SFMBT2: variants seen among roughly 807,000 people sequenced by gnomAD.
SFMBT2 encodes scm-like with four MBT domains protein 2.
A neutral mutation model predicts 110.1 loss-of-function variants in SFMBT2; 38 were observed. The observed-to-expected ratio is 0.35, with a 90% CI of 0.27 to 0.45. SFMBT2 has a LOEUF of 0.45. Ranked by LOEUF, SFMBT2 falls within the 20% of genes least tolerant of loss-of-function variation. The probability of loss-of-function intolerance (pLI) is 1.00; values close to 1 mark genes in which losing one functional copy is unlikely to be tolerated. For synonymous variants in SFMBT2, 425 were observed against 425.4 expected (o/e 1.00, Z 0.01); for missense variants, 1,011 against 1,094.9 (o/e 0.92, Z 1.08).
chr10:7,219,589 T>C (rs1839658341), intron 11 of SFMBT2: 1 of 209,556 alleles, frequency 4.8e-6, no homozygotes, highest in Non-Finnish European at 8.3e-6. Flanking sequence ...AATCATGGTA[T>C]TGAGTAAGTC....
At chr10:7,344,691 G>A (rs1243212490) in intron 4 of SFMBT2, among the ~76,000 whole-genome samples, 1 of 152,098 alleles carries the variant, frequency 6.6e-6, no homozygotes, top group African/African-American at 2.4e-5. Context: ...TATGGGCCAG[G>A]CGCGGTGGCT....
In SFMBT2 at chr10:7,408,557, G is replaced by GC. The variant is rs936161692; in HGVS notation, c.-52+2303dup. 8.5e-5 allele frequency among the ~76,000 whole-genome samples: 13 copies of GC among 152,132 alleles called. No homozygotes were observed. The highest frequency in any genetic ancestry group is 3.1e-4 in the African/African-American group (13 of 41,440). On this transcript the variant is annotated intron_variant, in intron 1 of 20. Coordinates refer to ENST00000397167, the MANE Select transcript of SFMBT2 (RefSeq NM_001387889.1). This position sits in a 1 kb window ranked among gnomAD's most constrained non-coding sequence, Gnocchi z 5.7. ...GGGCCCGGAGGAGGTCCTCCCACCT[G>GC]CCCCCGCCAGCCCCGGGGACCGTGC... is the stretch of plus-strand genomic sequence containing the variant.
rs185951501 is a variant in SFMBT2 at position 7,320,678 on chromosome 10, G to A, written c.437-34724C>T. On this transcript the variant is annotated intron_variant, in intron 4 of 20. Coordinates refer to ENST00000397167, the MANE Select transcript of SFMBT2 (RefSeq NM_001387889.1). ...AGGAAGCACTTTTCATTTTTCAGAT[G>A]AAGAAAGTAAAGTTTAAAGAGTCTA... 3,449 of 915,884 alleles carry A rather than the reference G, an allele frequency of 3.8e-3. 14 individuals are homozygous for A. Among genetic ancestry groups the A allele is most frequent in the Middle Eastern group, 8.3e-3 (15 of 1,804 alleles). 56.7% of individuals were successfully genotyped at this position (915,884 alleles called of 1,614,324 possible). A position where few individuals can be genotyped will look rare whatever the true frequency, so the allele number is the denominator to read the frequency against.
At chr10:7,348,443 C>T in intron 4 of SFMBT2, 1 of 888,508 alleles carries the variant, frequency 1.1e-6, no homozygotes, top group Non-Finnish European at 1.5e-6. Flanking sequence ...TCATTAAGGG[C>T]TTTTCAAAAA....
At chr10:7,198,520 G>C (rs184015410) in intron 14 of SFMBT2, among the ~76,000 whole-genome samples, 1 of 152,308 alleles carries the variant, frequency 6.6e-6, no homozygotes, top group East Asian at 1.9e-4. Flanking sequence ...TGACACTCTT[G>C]TTAGCACCAT....
chr10:7,188,846 C>T (rs1838506205), intron 15 of SFMBT2, 113 bp from the exon 16 acceptor site: 1 of 808,202 alleles, frequency 1.2e-6, no homozygotes, highest in Non-Finnish European at 1.9e-6. Context: ...CCACTACACC[C>T]ACATGAAGTG....
chr10:7,409,303 C>G (rs1030352744), intron 1 of SFMBT2: 2 of 152,198 alleles, frequency 1.3e-5, no homozygotes, highest in African/African-American at 4.8e-5. Context: ...CCCACCTACT[C>G]GGGGATCTAC....
At chr10:7,233,804 A>G (rs1264214816) in intron 9 of SFMBT2, among the ~76,000 whole-genome samples, 1 of 152,186 alleles carries the variant, frequency 6.6e-6, no homozygotes, top group Non-Finnish European at 1.5e-5. Flanking sequence ...CACCCACTAA[A>G]GCCAGGGGCT....
intron 6 of SFMBT2, chr10:7,277,441 CT>C: frequency 4.1e-6 from 1 of 244,164 alleles, no homozygotes; most frequent in Non-Finnish European, 6.6e-6. Context: ...TTCACTAAAT[CT>C]CTAAGCTCTC....
intron 16 of SFMBT2, among the ~76,000 whole-genome samples, chr10:7,184,581 G>A (rs1216467926): frequency 1.3e-5 from 2 of 152,074 alleles, no homozygotes; most frequent in Non-Finnish European, 2.9e-5. Flanking sequence ...GAATCTAAAT[G>A]GATTTTGAGT....
At chr10:7,262,841 G>T (rs1377724664) in intron 7 of SFMBT2, among the ~76,000 whole-genome samples, 9 of 152,122 alleles carry the variant, frequency 5.9e-5, no homozygotes. Context: ...GGCCCCGCTG[G>T]TCCTTTTTTG....
intron 7 of SFMBT2, among the ~76,000 whole-genome samples, chr10:7,260,222 T>C (rs1174553747): frequency 6.6e-6 from 1 of 152,122 alleles, no homozygotes; most frequent in Non-Finnish European, 1.5e-5. Context: ...CAAGGAAGCC[T>C]TTATCTATTA....
intron 20 of SFMBT2, among the ~76,000 whole-genome samples, chr10:7,168,631 G>A (rs148767740): frequency 3.9e-5 from 6 of 152,336 alleles, no homozygotes; most frequent in African/African-American, 9.6e-5. Context: ...TTATCTCGCC[G>A]CAGCACCACT....
At chr10:7,320,644 TTAAG>T (rs766347989) in intron 4 of SFMBT2, 5 of 972,440 alleles carry the variant, frequency 5.1e-6, no homozygotes, top group Non-Finnish European at 6.1e-6. Flanking sequence ...TTCTGGGAGG[TTAAG>T]TAATAGGAAG....
chr10:7,265,873 A>G (rs1841370616), intron 7 of SFMBT2, among the ~76,000 whole-genome samples: 1 of 152,206 alleles, frequency 6.6e-6, no homozygotes, highest in Non-Finnish European at 1.5e-5. Flanking sequence ...CACTGAGGAT[A>G]AAGCAGTCAT....
At chr10:7,219,265 G>T (rs10905118) in intron 11 of SFMBT2, among the ~76,000 whole-genome samples, 38,331 of 152,054 alleles carry the variant, frequency 0.25, 5,176 homozygotes, top group South Asian at 0.39. Flanking sequence ...CTACACTTTC[G>T]TGAATTCCAG....
chr10:7,400,834 C>T (rs965156562), intron 1 of SFMBT2, among the ~76,000 whole-genome samples: 1 of 152,150 alleles, frequency 6.6e-6, no homozygotes, highest in Non-Finnish European at 1.5e-5. Flanking sequence ...GCAAACATCT[C>T]AAAAAGCATC....
At position 7,243,691 on chromosome 10, in the gene SFMBT2, G is replaced by C; in HGVS notation, c.987C>G (p.His329Gln). 1.1e-6 allele frequency: 1 copy of C among 872,076 alleles called. No individual in the cohort carries two copies. The highest frequency in any genetic ancestry group is 2.0e-6 in the Non-Finnish European group (1 of 501,506). The allele number at this position is 872,076 out of a possible 1,614,324, so 54.0% of individuals were successfully genotyped here. A position where few individuals can be genotyped will look rare whatever the true frequency, so the allele number is the denominator to read the frequency against. The part of the protein sequence containing the change: ...PASVTKVFNN[H>Q]FFQVTIDDLR... ...GGTCATCAATAGTCACTTGAAAAAAGTGATTGTTAAAAACCTAAAAGAAAA... is the reference window on the plus strand; with the variant it reads ...GGTCATCAATAGTCACTTGAAAAAACTGATTGTTAAAAACCTAAAAGAAAA... Residue 329 changes from histidine (H) to glutamine (Q), a missense_variant, in exon 9 of 21, where the codon CAC becomes CAG. Physicochemically the swap from His to Gln is conservative, Grantham distance 24. Around this residue, in one of 2 missense-constraint regions of SFMBT2, gnomAD observed 979 missense variants for 1,016.1 expected, o/e 0.96. Transcript: ENST00000397167.
intron 7 of SFMBT2, among the ~76,000 whole-genome samples, chr10:7,266,770 G>C (rs748912931): frequency 6.6e-6 from 1 of 152,204 alleles, no homozygotes; most frequent in African/African-American, 2.4e-5. Flanking sequence ...CCTGGACTTG[G>C]GCAGTGGCAA....
Sources: allele counts gnomAD v4.1 joint callset (sites outside exome capture counted in the v4.1 genomes callset), GRCh38; gene constraint gnomAD v4.1.1; regional missense constraint gnomAD v4.1.1; non-coding constraint Gnocchi (gnomAD v3.1); transcripts MANE v1.5; gene names NCBI Gene and HGNC (gene_info 2026-07-23, HGNC 2026-07-21).